EPHA6: variants seen among roughly 807,000 people sequenced by gnomAD.
The protein encoded by EPHA6 is EPH receptor A6.
A neutral mutation model predicts 112.0 loss-of-function variants in EPHA6; 50 were observed. That is an observed-to-expected ratio of 0.45 (90% CI 0.36 to 0.56). The LOEUF is 0.56. EPHA6 is among the 20% of genes least tolerant of loss of function. The probability of loss-of-function intolerance (pLI) is 0.00; values close to 1 mark genes in which losing one functional copy is unlikely to be tolerated. For missense variants in EPHA6, 1,280 were observed against 1,417.4 expected (o/e 0.90, Z 1.56); for synonymous variants, 529 against 490.7 (o/e 1.08, Z -1.03).
rs181582261 is a variant in EPHA6 at position 97,631,008 on chromosome 3, A to G, written c.2575-6865A>G. Among the ~76,000 whole-genome samples, 213 of 152,060 alleles carry G rather than the reference A, an allele frequency of 1.4e-3. 1 individual carries two copies. Among genetic ancestry groups the G allele is most frequent in the Non-Finnish European group, 2.1e-4 (14 of 67,950 alleles). On this transcript the variant is annotated intron_variant, in intron 13 of 17. Coordinates refer to ENST00000389672, the MANE Select transcript of EPHA6 (RefSeq NM_001080448.3). ...CCATTTTCTCATTGGCACAAATCTT[A>G]GCTGGATATAAGGTTAGATTGATTT... is the stretch of plus-strand genomic sequence containing the variant.
intron 6 of EPHA6, among the ~76,000 whole-genome samples, chr3:97,413,905 CT>C (rs1257523762): frequency 4.6e-5 from 7 of 151,894 alleles, no homozygotes; most frequent in African/African-American, 1.7e-4. Context: ...TCCTTGATAA[CT>C]GGCCTTACCA....
At chr3:97,113,686 G>T (rs1416334442) in intron 3 of EPHA6, among the ~76,000 whole-genome samples, 1 of 151,946 alleles carries the variant, frequency 6.6e-6, no homozygotes, top group African/African-American at 2.4e-5. Context: ...TTTTCATCCA[G>T]AAGTAACATT....
intron 3 of EPHA6, among the ~76,000 whole-genome samples, chr3:97,047,574 A>G (rs187283668): frequency 6.6e-6 from 1 of 151,504 alleles, no homozygotes; most frequent in Non-Finnish European, 1.5e-5. Context: ...AGGGATGGGT[A>G]GTTTATATTA....
At chr3:97,148,908 T>C (rs1483458363) in intron 3 of EPHA6, among the ~76,000 whole-genome samples, 1 of 152,096 alleles carries the variant, frequency 6.6e-6, no homozygotes, top group Non-Finnish European at 1.5e-5. Context: ...TCATTAATGT[T>C]TTGCTGGAGG....
chr3:97,740,306 T>C (rs1016250144), intron 16 of EPHA6, among the ~76,000 whole-genome samples: 7 of 152,154 alleles, frequency 4.6e-5, no homozygotes, highest in African/African-American at 1.7e-4. Context: ...GGGAAAATAA[T>C]GCTTTCTTCT....
At chr3:97,597,518 T>G (rs2107379289) in intron 12 of EPHA6, among the ~76,000 whole-genome samples, 1 of 152,342 alleles carries the variant, frequency 6.6e-6, no homozygotes, top group East Asian at 1.9e-4. Context: ...ACCAAGCATT[T>G]TGACATCCTC....
chr3:97,518,085 T>C (rs1470480996), intron 10 of EPHA6, among the ~76,000 whole-genome samples: 1 of 152,158 alleles, frequency 6.6e-6, no homozygotes, highest in African/African-American at 2.4e-5. Context: ...AGCATATTGA[T>C]TTCTCTTTCT....
chr3:97,088,108 G>T (rs1047587104), intron 3 of EPHA6, among the ~76,000 whole-genome samples: 1 of 152,034 alleles, frequency 6.6e-6, no homozygotes, highest in Non-Finnish European at 1.5e-5. Context: ...TTGAACCGGG[G>T]AGGCAGAGGT....
chr3:97,567,872 C>G (rs1577806035), intron 11 of EPHA6, among the ~76,000 whole-genome samples: 1 of 152,092 alleles, frequency 6.6e-6, no homozygotes, highest in Admixed American at 6.6e-5. Context: ...AAGACAGGAG[C>G]AAGGAGAAGG....
At chr3:96,879,033 TATG>T (rs2037144408) in intron 2 of EPHA6, among the ~76,000 whole-genome samples, 1 of 152,072 alleles carries the variant, frequency 6.6e-6, no homozygotes, top group African/African-American at 2.4e-5. Context: ...GAACACTTAA[TATG>T]GTGTCCACAT....
chr3:97,305,285 T>C (rs2081269156), intron 5 of EPHA6, among the ~76,000 whole-genome samples: 1 of 151,992 alleles, frequency 6.6e-6, no homozygotes, highest in Admixed American at 6.6e-5. Flanking sequence ...TTGGTAGGAA[T>C]GTAAATTAGT....
intron 11 of EPHA6, among the ~76,000 whole-genome samples, chr3:97,549,738 A>G (rs1314825834): frequency 6.6e-6 from 1 of 152,126 alleles, no homozygotes; most frequent in Non-Finnish European, 1.5e-5. Flanking sequence ...GGAACTCAGG[A>G]GGCAGAGGTA....
intron 3 of EPHA6, among the ~76,000 whole-genome samples, chr3:97,216,018 G>A (rs984073171): frequency 1.3e-5 from 2 of 152,154 alleles, no homozygotes; most frequent in Middle Eastern, 3.2e-3. Flanking sequence ...AAAGGGAAAA[G>A]AAACTACATC....
chr3:96,873,849 AT>A (rs1209303668), intron 2 of EPHA6, among the ~76,000 whole-genome samples: 1 of 152,144 alleles, frequency 6.6e-6, no homozygotes, highest in Non-Finnish European at 1.5e-5. Context: ...TTAATGTGTC[AT>A]GAGTCTGTAA....
intron 14 of EPHA6, among the ~76,000 whole-genome samples, chr3:97,710,656 T>C (rs1338319388): frequency 6.6e-6 from 1 of 152,198 alleles, no homozygotes; most frequent in Non-Finnish European, 1.5e-5. Flanking sequence ...TCCAGTTCCC[T>C]CTATTTACAG....
intron 10 of EPHA6, among the ~76,000 whole-genome samples, chr3:97,518,864 GTTGT>G (rs1319516084): frequency 2.0e-5 from 3 of 151,474 alleles, no homozygotes; most frequent in African/African-American, 4.8e-5. Context: ...TGTTTTTTGG[GTTGT>G]TTGAGTTCCT....
chr3:96,821,196 G>T (rs935450094), intron 1 of EPHA6, among the ~76,000 whole-genome samples: 11 of 151,790 alleles, frequency 7.2e-5, no homozygotes, highest in Non-Finnish European at 4.4e-5. Context: ...GTCAATTACT[G>T]ATTATTTTGA....
chr3:96,997,800 G>A (rs1211834731), intron 3 of EPHA6, among the ~76,000 whole-genome samples: 5 of 152,020 alleles, frequency 3.3e-5, no homozygotes, highest in Non-Finnish European at 4.4e-5. Context: ...AATGTGATAT[G>A]GAGACATAAA....
intron 5 of EPHA6, among the ~76,000 whole-genome samples, chr3:97,298,726 T>C (rs985234917): frequency 4.6e-5 from 7 of 152,084 alleles, no homozygotes; most frequent in Non-Finnish European, 8.8e-5. Flanking sequence ...AATGTAACCA[T>C]TATTCACAAT....
Sources: gnomAD v4.1 joint callset for allele counts (sites outside exome capture counted in the v4.1 genomes callset) on GRCh38, gnomAD v4.1.1 for gene constraint, MANE v1.5 for transcripts, NCBI Gene and HGNC (gene_info 2026-07-23, HGNC 2026-07-21) for gene names.